Variants in ZNF516 observed in about 807,000 individuals in gnomAD.
ZNF516 encodes zinc finger protein 516.
A neutral mutation model predicts 79.7 loss-of-function variants in ZNF516; 19 were observed. The ratio of observed to expected loss-of-function variants is 0.24; its 90% CI spans 0.17 to 0.35. ZNF516 has a LOEUF of 0.35. Ranked by LOEUF, ZNF516 falls within the 10% of genes least tolerant of loss-of-function variation. The probability of loss-of-function intolerance (pLI) is 1.00; values close to 1 mark genes in which losing one functional copy is unlikely to be tolerated. For missense variants in ZNF516, 1,678 were observed against 1,679.5 expected (o/e 1.00, Z 0.02); for synonymous variants, 877 against 739.5 (o/e 1.19, Z -3.02).
rs373540251 is a variant in ZNF516 at position 76,360,646 on chromosome 18, A to AAAAAAAAAATATATAT, written c.*1851_*1852insATATATATTTTTTTTT. The AAAAAAAAAATATATAT allele has an allele frequency of 2.8e-5, 2 of 72,466 alleles. No individual in the cohort carries two copies. Among genetic ancestry groups the AAAAAAAAAATATATAT allele is most frequent in the African/African-American group, 6.1e-5 (1 of 16,376 alleles). 4.5% of individuals were successfully genotyped at this position (72,466 alleles called of 1,614,324 possible). ...AAAAAAATAAGTAAAAAAAAAAAAA[A>AAAAAAAAAATATATAT]ATATATATATATATATATATATATA... On this transcript the variant is annotated 3_prime_UTR_variant, in exon 7 of 7. Coordinates refer to ENST00000443185, the MANE Select transcript of ZNF516 (RefSeq NM_014643.4).
At chr18:76,410,168 G>A (rs1439729837) in intron 3 of ZNF516, among the ~76,000 whole-genome samples, 1 of 152,146 alleles carries the variant, frequency 6.6e-6, no homozygotes, top group Non-Finnish European at 1.5e-5. Context: ...CGTTAAAAAC[G>A]GACTAATACA....
rs879277192 is a variant in ZNF516 at position 76,480,474 on chromosome 18, T to TAC, written c.-272+14668_-272+14669dup. On this transcript the variant is annotated intron_variant, in intron 1 of 6. Coordinates refer to ENST00000443185, the MANE Select transcript of ZNF516 (RefSeq NM_014643.4). ...GCTAAGGCTGGTTTTTACATATATA[T>TAC]ACACACACACATATACACATACACA... Among the ~76,000 whole-genome samples the TAC allele has an allele frequency of 6.1e-3, 905 of 148,226 alleles. 11 individuals carry two copies. Among genetic ancestry groups the TAC allele is most frequent in the South Asian group, 0.027 (123 of 4,604 alleles).
intron 1 of ZNF516, chr18:76,490,187 C>A: frequency 1.0e-6 from 1 of 985,382 alleles, no homozygotes. Context: ...CCATGGGGGT[C>A]ACTCCTGTGA....
chr18:76,390,162 G>A (rs1262797768), intron 3 of ZNF516, among the ~76,000 whole-genome samples: 2 of 152,182 alleles, frequency 1.3e-5, no homozygotes, highest in Non-Finnish European at 2.9e-5. Context: ...GGACCCCGGA[G>A]GCCTGTGCAT....
In ZNF516 at chr18:76,468,230, C is replaced by T. The variant is rs76940871; in HGVS notation, c.-271-5089G>A. ...CAAAATTAGGATTGGCAGTGTCCTA[C>T]AATACTTGTGATTTGGAGCAGCCCC... On this transcript the variant is annotated intron_variant, in intron 1 of 6. Transcript: ENST00000443185. Among the ~76,000 whole-genome samples, 672 of 152,304 alleles carry T rather than the reference C, an allele frequency of 4.4e-3. 7 individuals are homozygous for T. The highest frequency in any genetic ancestry group is 0.016 in the African/African-American group (646 of 41,554).
At chr18:76,447,691 C>T (rs1912141702) in intron 2 of ZNF516, among the ~76,000 whole-genome samples, 1 of 152,160 alleles carries the variant, frequency 6.6e-6, no homozygotes. Context: ...ACGGCAGGGA[C>T]CCATCTGAAC....
In ZNF516 at chr18:76,379,252, C is replaced by A; in HGVS notation, c.2862G>T (p.Gly954=). 1 of 1,612,558 alleles carries A rather than the reference C, an allele frequency of 6.2e-7. No homozygotes were observed. The highest frequency in any genetic ancestry group is 8.5e-7 in the Non-Finnish European group (1 of 1,179,610). ...SANSKPVEKF[G]VPPAGAGFAP... ...CAAAGCCAGCCCCCGCTGGGGGGAC[C>A]CCAAACTTCTCCACAGGCTTGCTAT... is the stretch of plus-strand genomic sequence containing the variant. Residue 954 remains glycine, a synonymous_variant, in exon 4 of 7, where the codon GGG becomes GGT. Coordinates refer to ENST00000443185, the MANE Select transcript of ZNF516 (RefSeq NM_014643.4).
Position 76,419,065 on chromosome 18 carries a change from G to C in ZNF516, c.1810+22180C>G, listed in dbSNP as rs192948105. 1.5e-4 allele frequency among the ~76,000 whole-genome samples: 23 copies of C among 152,304 alleles called. No homozygotes were observed. The South Asian group carries it at 2.9e-3, about 19-fold the overall frequency. On this transcript the variant is annotated intron_variant, in intron 3 of 6. Coordinates refer to ENST00000443185, the MANE Select transcript of ZNF516 (RefSeq NM_014643.4). ...ACCATCTCACCAATAAAACACATCC[G>C]TTAGGCACAGACACTGTGGGTCGCA... is the stretch of plus-strand genomic sequence containing the variant.
chr18:76,383,085 A>T (rs2074921079), intron 3 of ZNF516, among the ~76,000 whole-genome samples: 1 of 150,794 alleles, frequency 6.6e-6, no homozygotes, highest in Non-Finnish European at 1.5e-5. Flanking sequence ...CAAGTTATCG[A>T]TGTCACCGGT....
chr18:76,448,605 G>A (rs986057031), intron 2 of ZNF516, among the ~76,000 whole-genome samples: 16 of 152,146 alleles, frequency 1.1e-4, no homozygotes, highest in African/African-American at 3.6e-4. Context: ...TATGTACAGC[G>A]CAAACATAGC....
chr18:76,477,584 A>G (rs771599272), intron 1 of ZNF516, among the ~76,000 whole-genome samples: 23 of 152,174 alleles, frequency 1.5e-4, no homozygotes, highest in Non-Finnish European at 2.9e-4. Context: ...GGCACTTTTA[A>G]ATACACCAAC....
chr18:76,466,125 A>G (rs1913448379), intron 1 of ZNF516, among the ~76,000 whole-genome samples: 1 of 152,202 alleles, frequency 6.6e-6, no homozygotes, highest in Non-Finnish European at 1.5e-5. Context: ...GGTCTAAGCC[A>G]TACTGGAAAC....
At chr18:76,492,774 A>G (rs771953834) in intron 1 of ZNF516, 16 of 985,478 alleles carry the variant, frequency 1.6e-5, no homozygotes, top group Non-Finnish European at 1.9e-5. Context: ...CCTGAATCTG[A>G]AAGTGCTTCT....
intron 6 of ZNF516, among the ~76,000 whole-genome samples, chr18:76,363,885 G>A (rs1276876306): frequency 3.3e-5 from 5 of 152,212 alleles, no homozygotes; most frequent in Admixed American, 2.0e-4. Context: ...AAACATAGAC[G>A]TCAGGGACCG....
At chr18:76,464,190 T>C (rs977565412) in intron 1 of ZNF516, among the ~76,000 whole-genome samples, 2 of 152,086 alleles carry the variant, frequency 1.3e-5, no homozygotes, top group Non-Finnish European at 2.9e-5. Context: ...TTTAGTACTT[T>C]AAAAATTTTT....
Position 76,380,229 on chromosome 18 carries a change from T to C in ZNF516, c.1885A>G (p.Lys629Glu), listed in dbSNP as rs749652726. The C allele has an allele frequency of 4.3e-6, 7 of 1,614,008 alleles. No individual in the cohort carries two copies. Among genetic ancestry groups the C allele is most frequent in the Non-Finnish European group, 4.2e-6 (5 of 1,179,894 alleles). ...CTTTCCGAGGCGTTATCTCCCATCT[T>C]GTGACTCTGGTCTCCACTGGAGAGC... ...TELSSGDQSH[K>E]MGDNASERDT... The change falls in exon 4 of 7, where the codon AAG becomes GAG. Residue 629 changes from lysine (K) to glutamate (E), a missense_variant. By Grantham distance (56) the Lys-to-Glu change is moderately conservative. This residue lies in a region of ZNF516 where 1,294 missense variants were observed against 1,248.3 expected (regional missense o/e 1.04). Transcript: ENST00000443185.
intron 3 of ZNF516, among the ~76,000 whole-genome samples, chr18:76,431,268 C>CAA (rs954741309): frequency 6.6e-6 from 1 of 152,004 alleles, no homozygotes; most frequent in African/African-American, 2.4e-5. Context: ...CACACACACA[C>CAA]AAAAACACTT....
intron 3 of ZNF516, among the ~76,000 whole-genome samples, chr18:76,407,649 T>G (rs1004509627): frequency 5.9e-5 from 9 of 152,116 alleles, no homozygotes; most frequent in Non-Finnish European, 1.0e-4. Flanking sequence ...CCCCCTTAAC[T>G]CTTTCATCCT....
At chr18:76,382,794 C>G (rs974083964) in intron 3 of ZNF516, among the ~76,000 whole-genome samples, 2 of 152,140 alleles carry the variant, frequency 1.3e-5, no homozygotes, top group African/African-American at 4.8e-5. Context: ...ACCTGTAATA[C>G]CAGCACTTTG....
Sources: gnomAD v4.1 joint callset for allele counts (sites outside exome capture counted in the v4.1 genomes callset) on GRCh38, gnomAD v4.1.1 for gene constraint, gnomAD v4.1.1 regional missense constraint, MANE v1.5 for transcripts, NCBI Gene and HGNC (gene_info 2026-07-23, HGNC 2026-07-21) for gene names.